The following UST variants were observed in gnomAD, a reference collection of about 807,000 sequenced individuals.
UST encodes the protein chondroitin sulfate 2-O-sulfotransferase.
UST carries 21 observed loss-of-function variants against 45.6 expected under a neutral mutation model. The observed-to-expected ratio is 0.46, with a 90% CI of 0.33 to 0.66. UST has a LOEUF of 0.66. UST is among the 30% of genes least tolerant of loss of function. UST has a pLI of 0.02. For missense variants in UST, 463 were observed against 512.4 expected, an observed-to-expected ratio of 0.90 and a Z score of 0.93; for synonymous variants, 215 against 200.6, an observed-to-expected ratio of 1.07 and a Z score of -0.61.
rs902836698 is a variant in UST, at chr6:148,748,252, G to C, written c.247+575G>C. 2.0e-5 allele frequency among the ~76,000 whole-genome samples: 3 copies of C among 152,000 alleles called. No individual in the cohort carries two copies. The highest frequency in any genetic ancestry group is 6.6e-5 in the Admixed American group (1 of 15,258). On this transcript the variant is annotated intron_variant, in intron 1 of 7. Transcript: ENST00000367463. This position sits in a 1 kb window ranked among gnomAD's most constrained non-coding sequence, Gnocchi z 5.3. ...TCCCTTGGCTGCCGCTGCCCACCCC[G>C]CCGCCCGCAGCTAGCCTGGCGCGGG...
At chr6:148,882,144 G>A (rs1427543321) in intron 1 of UST, among the ~76,000 whole-genome samples, 2 of 152,046 alleles carry the variant, frequency 1.3e-5, no homozygotes, top group Non-Finnish European at 2.9e-5. Context: ...TGCCAACACC[G>A]AGGACCCTTG....
intron 5 of UST, among the ~76,000 whole-genome samples, chr6:148,969,741 T>C (rs1170131260): frequency 6.6e-6 from 1 of 152,218 alleles, no homozygotes; most frequent in Non-Finnish European, 1.5e-5. Flanking sequence ...CAGGACATAC[T>C]GGGTCCTGAA....
intron 1 of UST, among the ~76,000 whole-genome samples, chr6:148,798,521 G>A (rs1776994000): frequency 6.6e-6 from 1 of 152,132 alleles, no homozygotes; most frequent in Admixed American, 6.5e-5. Flanking sequence ...TGATTGCCCT[G>A]TAAATTAGAG....
chr6:148,809,399 G>C (rs1777212566), intron 1 of UST, among the ~76,000 whole-genome samples: 1 of 150,698 alleles, frequency 6.6e-6, no homozygotes, highest in African/African-American at 2.4e-5. Flanking sequence ...AACAGTGCTT[G>C]TGTCCTTTCT....
At chr6:149,033,888 A>G (rs531678288) in intron 7 of UST, among the ~76,000 whole-genome samples, 1 of 152,340 alleles carries the variant, frequency 6.6e-6, no homozygotes, top group African/African-American at 2.4e-5. Flanking sequence ...GCAGTTTCCT[A>G]TTCCAACCCT....
chr6:148,756,063 GT>G (rs1407468306), intron 1 of UST, among the ~76,000 whole-genome samples: 4 of 139,750 alleles, frequency 2.9e-5, no homozygotes, highest in Non-Finnish European at 6.0e-5. Context: ...GTGTCCAAGT[GT>G]TCTCATTGTT....
intron 7 of UST, among the ~76,000 whole-genome samples, chr6:149,059,937 G>T (rs1420149143): frequency 2.0e-5 from 3 of 152,042 alleles, no homozygotes; most frequent in Non-Finnish European, 4.4e-5. Context: ...TTCCACAGGG[G>T]CCCAGTGCCC....
intron 2 of UST, among the ~76,000 whole-genome samples, chr6:148,929,619 G>A (rs1229601408): frequency 6.6e-6 from 1 of 152,176 alleles, no homozygotes; most frequent in Non-Finnish European, 1.5e-5. Flanking sequence ...TTTTGTAAGA[G>A]AATATATTTT....
At chr6:149,073,803 G>A (rs751487397) in intron 7 of UST, 30 bp from the exon 8 acceptor site, 4 of 1,602,018 alleles carry the variant, frequency 2.5e-6, no homozygotes, top group Admixed American at 1.7e-5. Flanking sequence ...TGCAAATGAT[G>A]GCTCATGTGC....
chr6:148,834,499 C>T (rs1167419577), intron 1 of UST, among the ~76,000 whole-genome samples: 1 of 152,076 alleles, frequency 6.6e-6, no homozygotes, highest in Non-Finnish European at 1.5e-5. Context: ...CTTTGGGAGG[C>T]CAAGGTGGGC....
intron 1 of UST, among the ~76,000 whole-genome samples, chr6:148,783,848 T>C (rs939860506): frequency 4.6e-5 from 7 of 152,116 alleles, no homozygotes; most frequent in African/African-American, 1.2e-4. Context: ...CCCAGGGGGT[T>C]GGGGACAGAA....
chr6:148,882,505 A>AG (rs1778841816), intron 1 of UST, among the ~76,000 whole-genome samples: 3 of 151,468 alleles, frequency 2.0e-5, no homozygotes. Context: ...AAAAAAAAAA[A>AG]AAAGAGTTGT....
chr6:148,959,293 T>C (rs1780597511), intron 4 of UST, among the ~76,000 whole-genome samples: 1 of 152,238 alleles, frequency 6.6e-6, no homozygotes. Context: ...TATTTGTAAA[T>C]GTTGACTTTT....
Position 148,780,130 on chromosome 6 carries a change from C to T in UST, c.247+32453C>T, listed in dbSNP as rs537128864. Among the ~76,000 whole-genome samples, 76 of 148,388 alleles carry T rather than the reference C, an allele frequency of 5.1e-4. 1 individual carries two copies. The highest frequency in any genetic ancestry group is 1.5e-3 in the African/African-American group (61 of 39,954). On this transcript the variant is annotated intron_variant, in intron 1 of 7. Coordinates refer to ENST00000367463, the MANE Select transcript of UST (RefSeq NM_005715.3). ...AAATACATGTGTGTGTATATATATA[C>T]ACACACACACACACACTTATGCAGG...
At chr6:148,855,113 C>CAGCACGAGAAA (rs543498317) in intron 1 of UST, among the ~76,000 whole-genome samples, 354 of 152,278 alleles carry the variant, frequency 2.3e-3, no homozygotes, top group Non-Finnish European at 3.8e-3. Flanking sequence ...ATCACGAGAA[C>CAGCACGAGAAA]AGCACGAGAA....
intron 2 of UST, among the ~76,000 whole-genome samples, chr6:148,894,902 C>T (rs1759743077): frequency 6.8e-6 from 1 of 147,908 alleles, no homozygotes; most frequent in African/African-American, 2.6e-5. Flanking sequence ...ACTGCAACCT[C>T]CGCCTCCCGG....
Position 148,747,544 on chromosome 6 carries a change from G to T in UST, c.114G>T (p.Leu38=). Residue 38 remains leucine, a synonymous_variant, in exon 1 of 8, where the codon CTG becomes CTT. Coordinates refer to ENST00000367463, the MANE Select transcript of UST (RefSeq NM_005715.3). The stretch of plus-strand genomic sequence containing the variant: ...GCTGGAAGCGTCGGGTGCCCCTGCT[G>T]CCTTTCCTGCGCTTCTCCCTCCGGG... ...LGSWKRRVPL[L]PFLRFSLRDY... 1 of 1,561,598 alleles carries T rather than the reference G, an allele frequency of 6.4e-7. No individual in the cohort carries two copies.
chr6:149,026,746 C>T (rs1776056116), intron 7 of UST, among the ~76,000 whole-genome samples: 1 of 152,218 alleles, frequency 6.6e-6, no homozygotes, highest in East Asian at 1.9e-4. Context: ...TTCCTAGCGA[C>T]TTGAAAACTC....
At chr6:149,064,870 C>T (rs1776709436) in intron 7 of UST, among the ~76,000 whole-genome samples, 1 of 147,438 alleles carries the variant, frequency 6.8e-6, no homozygotes. Context: ...TAGACCAAGC[C>T]TTACAACAAC....
Sources: allele counts gnomAD v4.1 joint callset (sites outside exome capture counted in the v4.1 genomes callset), GRCh38; gene constraint gnomAD v4.1.1; non-coding constraint Gnocchi (gnomAD v3.1); transcripts MANE v1.5; gene names NCBI Gene and HGNC (gene_info 2026-07-23, HGNC 2026-07-21).